ZNF707: variants seen among roughly 807,000 people sequenced by gnomAD.
The protein encoded by ZNF707 is zinc finger protein 707.
Under a neutral mutation model 13.3 loss-of-function variants are expected in ZNF707, and 8 were observed. The ratio of observed to expected loss-of-function variants is 0.60; its 90% CI spans 0.35 to 1.09. The LOEUF (loss-of-function observed/expected upper bound fraction) is 1.09, where lower values mean the gene tolerates loss of function less well. Ranked by LOEUF, ZNF707 falls within the 50% of genes least tolerant of loss-of-function variation. The pLI, the probability that ZNF707 is intolerant of heterozygous loss-of-function variation, is 0.02. For synonymous variants in ZNF707, 225 were observed against 205.6 expected, an observed-to-expected ratio of 1.09 and a Z score of -0.81; for missense variants, 530 against 512.6, an observed-to-expected ratio of 1.03 and a Z score of -0.33.
chr8:143,694,227 G>A lies in ZNF707; in HGVS notation c.813G>A (p.Gln271=), dbSNP rs370794344. Residue 271 remains glutamine, a synonymous_variant, in exon 6 of 6, where the codon CAG becomes CAA. Transcript: ENST00000358656. The surrounding 1 kb of genome is among the most constrained non-coding windows in gnomAD (Gnocchi z 4.4). Reference sequence around the variant, plus strand: ...GCGACTGTGGGAAAGCCTTCAAGCAGAAGTCCAACCTTCTCAGACACCAGC... The same window carrying A: ...GCGACTGTGGGAAAGCCTTCAAGCAAAAGTCCAACCTTCTCAGACACCAGC... ...SCGDCGKAFK[Q]KSNLLRHQLV... The A allele has an allele frequency of 3.2e-6, 5 of 1,585,858 alleles. No individual in the cohort carries two copies. The African/African-American group carries it at 6.7e-5, about 21-fold the overall frequency.
chr8:143,690,565 A>AC, intron 3 of ZNF707: 1 of 199,140 alleles, frequency 5.0e-6, no homozygotes, highest in Non-Finnish European at 1.0e-5. Context: ...GTCTCAAAAA[A>AC]GAAAAAAAAA....
Position 143,693,925 on chromosome 8 carries a change from G to T in ZNF707, c.511G>T (p.Ala171Ser). ...CCGCAGAGAGCGCCGGAAGCAGCGC[G>T]CAGTAGAGCTGTCATTCATCTGCGG... Reference protein sequence around the residue: ...PGRRERRKQRAVELSFICGTC... With the variant: ...PGRRERRKQRSVELSFICGTC... The change falls in exon 6 of 6, where the codon GCA becomes TCA. Residue 171 changes from alanine (A) to serine (S), a missense_variant. Coordinates refer to ENST00000358656, the MANE Select transcript of ZNF707 (RefSeq NM_001100598.2). The surrounding 1 kb of genome is among the most constrained non-coding windows in gnomAD (Gnocchi z 4.1). 5.0e-6 allele frequency: 8 copies of T among 1,607,516 alleles called. No individual in the cohort carries two copies. The highest frequency in any genetic ancestry group is 6.8e-6 in the Non-Finnish European group (8 of 1,177,428).
intron 3 of ZNF707, chr8:143,690,769 C>A (rs1816732385): frequency 2.7e-6 from 1 of 372,794 alleles, no homozygotes; most frequent in East Asian, 4.3e-5. Flanking sequence ...TGGTGGGGGC[C>A]ACTATTGTGC....
intron 4 of ZNF707, 155 bp downstream of exon 4, chr8:143,691,354 C>A: frequency 7.5e-7 from 1 of 1,327,284 alleles, no homozygotes; most frequent in South Asian, 1.6e-5. Flanking sequence ...CAGAGGGGCC[C>A]ACTCAGCGTT....
At chr8:143,691,284 C>T (rs1554613558) in intron 4 of ZNF707, 85 bp downstream of exon 4, 1 of 1,514,850 alleles carries the variant, frequency 6.6e-7, no homozygotes, top group Non-Finnish European at 8.8e-7. Flanking sequence ...TCGTCCAGGA[C>T]AGTAGTGGGG....
Position 143,691,410 on chromosome 8 carries a change from T to G in ZNF707, c.143-190T>G. ...CAGCCTCATCTTCCTTCCTCTGACC[T>G]TGCCAGGGCCTTCCGTGGGCCTTGG... On this transcript the variant is annotated intron_variant, in intron 4 of 5. Coordinates refer to ENST00000358656, the MANE Select transcript of ZNF707 (RefSeq NM_001100598.2). The G allele has an allele frequency of 2.8e-6, 3 of 1,055,512 alleles. No homozygotes were observed. The East Asian group carries it at 7.9e-5, about 28-fold the overall frequency. The allele number at this position is 1,055,512 out of a possible 1,614,324, so 65.4% of individuals were successfully genotyped here. A position where few individuals can be genotyped will look rare whatever the true frequency, so the allele number is the denominator to read the frequency against.
In ZNF707 at chr8:143,694,764, G is replaced by A. The variant is rs1336416522; in HGVS notation, c.*234G>A. ...GGGCTCTGGAGATGGCGGGGGCTGC[G>A]CCCCGGCGCCGGGCATCCTGGGGAT... On this transcript the variant is annotated 3_prime_UTR_variant, in exon 6 of 6. Coordinates refer to ENST00000358656, the MANE Select transcript of ZNF707 (RefSeq NM_001100598.2). This position sits in a 1 kb window ranked among gnomAD's most constrained non-coding sequence, Gnocchi z 4.4. The A allele has an allele frequency of 1.5e-5, 8 of 516,770 alleles. No homozygotes were observed. The highest frequency in any genetic ancestry group is 3.7e-5 in the Admixed American group (1 of 27,262). 32.0% of individuals were successfully genotyped at this position (516,770 alleles called of 1,614,324 possible). A position where few individuals can be genotyped will look rare whatever the true frequency, so the allele number is the denominator to read the frequency against.
Position 143,694,431 on chromosome 8 carries a change from G to A in ZNF707, c.1017G>A (p.Leu339=). The A allele has an allele frequency of 1.2e-6, 2 of 1,612,522 alleles. No homozygotes were observed. Among genetic ancestry groups the A allele is most frequent in the East Asian group, 2.2e-5 (1 of 44,852 alleles). ...KGFSIHRRLH[L]TKRFYECGHC... ...TCAGCATCCACCGGAGGCTGCACCTGACGAAGAGGTTCTACGAGTGCGGCC... is the reference window on the plus strand; with the variant it reads ...TCAGCATCCACCGGAGGCTGCACCTAACGAAGAGGTTCTACGAGTGCGGCC... Residue 339 remains leucine, a synonymous_variant, in exon 6 of 6, where the codon CTG becomes CTA. Transcript: ENST00000358656. This position sits in a 1 kb window ranked among gnomAD's most constrained non-coding sequence, Gnocchi z 4.4.
At chr8:143,690,421 A>G (rs1421806435) in intron 3 of ZNF707, 1 of 396,932 alleles carries the variant, frequency 2.5e-6, no homozygotes, top group Non-Finnish European at 4.5e-6. Flanking sequence ...AATACAAAAA[A>G]TTAGCTGGGC....
chr8:143,689,608 C>G (rs1816614366), intron 2 of ZNF707, among the ~76,000 whole-genome samples: 3 of 152,188 alleles, frequency 2.0e-5, no homozygotes, highest in Admixed American at 1.3e-4. Context: ...TGCGAGGTGG[C>G]CTCCTTGTAG....
chr8:143,684,646 G>C (rs1396319999), intron 1 of ZNF707, 104 bp downstream of exon 1: 2 of 152,304 alleles, frequency 1.3e-5, no homozygotes, highest in Non-Finnish European at 2.9e-5. Flanking sequence ...CAGCGTCGCG[G>C]CTGCTGGGAC....
chr8:143,691,100 A>G lies in ZNF707; in HGVS notation c.43A>G (p.Ile15Val), dbSNP rs1554613442. The change falls in exon 4 of 6, where the codon ATC becomes GTC. Residue 15 changes from isoleucine (I) to valine (V), a missense_variant. Coordinates refer to ENST00000358656, the MANE Select transcript of ZNF707 (RefSeq NM_001100598.2). ...QEPVTFRDVAIYFSREEWACL... is the reference protein window; with the variant it reads ...QEPVTFRDVAVYFSREEWACL... Reference sequence around the variant, plus strand: ...GCCAGTGACCTTCAGGGACGTGGCCATCTACTTCTCAAGGGAGGAGTGGGC... The same window carrying G: ...GCCAGTGACCTTCAGGGACGTGGCCGTCTACTTCTCAAGGGAGGAGTGGGC... 2 of 1,613,902 alleles carry G rather than the reference A, an allele frequency of 1.2e-6. No homozygotes were observed. Among genetic ancestry groups the G allele is most frequent in the Admixed American group, 1.7e-5 (1 of 60,012 alleles).
intron 5 of ZNF707, chr8:143,692,372 G>A (rs1279693461): frequency 3.1e-6 from 4 of 1,274,500 alleles, no homozygotes; most frequent in East Asian, 1.1e-4. Flanking sequence ...GTCCCTGGGT[G>A]TGTGGAGCCC....
rs375422136 is a variant in ZNF707 at position 143,694,398 on chromosome 8, C to G, written c.984C>G (p.Pro328=). Residue 328 remains proline, a synonymous_variant, in exon 6 of 6, where the codon CCC becomes CCG. Transcript: ENST00000358656. This position sits in a 1 kb window ranked among gnomAD's most constrained non-coding sequence, Gnocchi z 4.4. The part of the protein sequence containing the change: ...CAECGKSFRW[P]KGFSIHRRLH... ...AGTGCGGCAAGTCCTTCCGGTGGCC[C>G]AAGGGCTTCAGCATCCACCGGAGGC... The G allele has an allele frequency of 6.2e-7, 1 of 1,612,274 alleles. No individual in the cohort carries two copies. The highest frequency in any genetic ancestry group is 1.3e-5 in the African/African-American group (1 of 75,010).
At chr8:143,689,746 G>A (rs1816630206) in intron 2 of ZNF707, among the ~76,000 whole-genome samples, 2 of 152,210 alleles carry the variant, frequency 1.3e-5, no homozygotes, top group Non-Finnish European at 2.9e-5. Flanking sequence ...CTAAGCTGTT[G>A]GCTTTCAGCC....
intron 1 of ZNF707, chr8:143,687,238 G>C (rs1554612363): frequency 6.6e-6 from 1 of 152,154 alleles, no homozygotes; most frequent in African/African-American, 2.4e-5. Context: ...CCCCAATGTT[G>C]TGAAGATGGT....
Position 143,690,102 on chromosome 8 carries a change from T to A in ZNF707, c.-7T>A. ...TGCTTCCCCAGAGGGGTGGCCTCGC[T>A]GTTCCCATGGACATGGCCCAGGTGA... On this transcript the variant is annotated 5_prime_UTR_variant, in exon 3 of 6. Coordinates refer to ENST00000358656, the MANE Select transcript of ZNF707 (RefSeq NM_001100598.2). The A allele has an allele frequency of 6.2e-7, 1 of 1,608,512 alleles. No individual in the cohort carries two copies. The highest frequency in any genetic ancestry group is 1.3e-5 in the African/African-American group (1 of 75,048).
At position 143,694,226 on chromosome 8, in the gene ZNF707, A is replaced by G. The variant is rs376405410; in HGVS notation, c.812A>G (p.Gln271Arg). Reference protein sequence around the residue: ...SCGDCGKAFKQKSNLLRHQLV... With the variant: ...SCGDCGKAFKRKSNLLRHQLV... Reference sequence around the variant, plus strand: ...GGCGACTGTGGGAAAGCCTTCAAGCAGAAGTCCAACCTTCTCAGACACCAG... The same window carrying G: ...GGCGACTGTGGGAAAGCCTTCAAGCGGAAGTCCAACCTTCTCAGACACCAG... Residue 271 changes from glutamine to arginine, a missense_variant, in exon 6 of 6, where the codon CAG becomes CGG. Transcript: ENST00000358656. This position sits in a 1 kb window ranked among gnomAD's most constrained non-coding sequence, Gnocchi z 4.4. 121 of 1,585,752 alleles carry G rather than the reference A, an allele frequency of 7.6e-5. No homozygotes were observed. Among genetic ancestry groups the G allele is most frequent in the Middle Eastern group, 3.4e-4 (2 of 5,964 alleles).
At position 143,694,727 on chromosome 8, in the gene ZNF707, C is replaced by T. The variant is rs997562299; in HGVS notation, c.*197C>T. On this transcript the variant is annotated 3_prime_UTR_variant, in exon 6 of 6. Coordinates refer to ENST00000358656, the MANE Select transcript of ZNF707 (RefSeq NM_001100598.2). This position sits in a 1 kb window ranked among gnomAD's most constrained non-coding sequence, Gnocchi z 4.4. ...GGGAGAAGCAGAGCCATGGGTACGC[C>T]GGAGATGGCGGGGGCTCTGGAGATG... The T allele has an allele frequency of 1.8e-5, 11 of 612,152 alleles. No individual in the cohort carries two copies. The highest frequency in any genetic ancestry group is 7.4e-5 in the African/African-American group (4 of 53,832). The allele number at this position is 612,152 out of a possible 1,614,324, so 37.9% of individuals were successfully genotyped here. A position where few individuals can be genotyped will look rare whatever the true frequency, so the allele number is the denominator to read the frequency against.
Sources: gnomAD v4.1 joint callset for allele counts (sites outside exome capture counted in the v4.1 genomes callset) on GRCh38, gnomAD v4.1.1 for gene constraint, Gnocchi (gnomAD v3.1) non-coding constraint, MANE v1.5 for transcripts, NCBI Gene and HGNC (gene_info 2026-07-23, HGNC 2026-07-21) for gene names.